APCDD1L: variants seen among roughly 807,000 people sequenced by gnomAD.
APCDD1L encodes protein APCDD1-like.
APCDD1L carries 21 observed loss-of-function variants against 24.2 expected under a neutral mutation model. The ratio of observed to expected loss-of-function variants is 0.87; its 90% CI spans 0.61 to 1.25. The LOEUF is 1.25. APCDD1L is among the 50% of genes most tolerant of loss of function. APCDD1L has a pLI of 0.00. For synonymous variants in APCDD1L, 321 were observed against 323.6 expected, an observed-to-expected ratio of 0.99 and a Z score of 0.09; for missense variants, 704 against 711.7, an observed-to-expected ratio of 0.99 and a Z score of 0.12.
At chr20:58,484,474 G>GC (rs1990083406) in intron 1 of APCDD1L, among the ~76,000 whole-genome samples, 1 of 152,148 alleles carries the variant, frequency 6.6e-6, no homozygotes, top group South Asian at 2.1e-4. Context: ...ATCTTTCTAG[G>GC]CTTTTTTTTT....
At chr20:58,507,750 A>G (rs1385689990) in intron 1 of APCDD1L, among the ~76,000 whole-genome samples, 1 of 152,230 alleles carries the variant, frequency 6.6e-6, no homozygotes, top group Non-Finnish European at 1.5e-5. Context: ...CAACACATAC[A>G]AGAGACAGCT....
chr20:58,503,207 C>A (rs143515915), intron 1 of APCDD1L, among the ~76,000 whole-genome samples: 1 of 152,134 alleles, frequency 6.6e-6, no homozygotes, highest in African/African-American at 2.4e-5. Flanking sequence ...TGATTTCCTG[C>A]GAGAGGCAGA....
chr20:58,479,015 A>G (rs898201550), intron 1 of APCDD1L, among the ~76,000 whole-genome samples: 1 of 152,080 alleles, frequency 6.6e-6, no homozygotes, highest in Non-Finnish European at 1.5e-5. Context: ...TCACCCTTGG[A>G]ACCTGCCCTA....
chr20:58,474,421 T>C (rs1052778671), intron 1 of APCDD1L, among the ~76,000 whole-genome samples: 3 of 152,154 alleles, frequency 2.0e-5, no homozygotes, highest in Admixed American at 6.5e-5. Flanking sequence ...GGTACCATCT[T>C]GGCTGGGCAC....
chr20:58,477,926 G>C (rs1989942792), intron 1 of APCDD1L, among the ~76,000 whole-genome samples: 1 of 152,132 alleles, frequency 6.6e-6, no homozygotes, highest in Non-Finnish European at 1.5e-5. Flanking sequence ...AGCTCTTTCT[G>C]AGTTGATTAA....
intron 1 of APCDD1L, among the ~76,000 whole-genome samples, chr20:58,483,781 A>G (rs1990069315): frequency 6.6e-6 from 1 of 152,006 alleles, no homozygotes; most frequent in Non-Finnish European, 1.5e-5. Context: ...TACCAATTCA[A>G]TTCATGAGCG....
chr20:58,488,345 AG>A (rs1487482932), intron 1 of APCDD1L, among the ~76,000 whole-genome samples: 2 of 152,144 alleles, frequency 1.3e-5, no homozygotes, highest in Admixed American at 6.5e-5. Flanking sequence ...CCTGAGGATA[AG>A]GGGGGACTAA....
intron 1 of APCDD1L, among the ~76,000 whole-genome samples, chr20:58,501,903 C>G (rs191613462): frequency 8.5e-5 from 13 of 152,332 alleles, no homozygotes; most frequent in Admixed American, 8.5e-4. Flanking sequence ...TCCTGACTTT[C>G]CTTCAGTTGG....
chr20:58,470,718 C>T lies in APCDD1L; in HGVS notation c.79G>A (p.Gly27Arg), dbSNP rs562721222. 2.1e-5 allele frequency: 32 copies of T among 1,542,638 alleles called. No homozygotes were observed. Among genetic ancestry groups the T allele is most frequent in the African/African-American group, 1.4e-4 (10 of 73,244 alleles). The change falls in exon 2 of 4, where the codon GGG (glycine) becomes AGG (arginine). Residue 27 changes from glycine to arginine, a missense_variant. Gly to Arg is a moderately radical substitution (Grantham distance 125). Coordinates refer to ENST00000371149, the MANE Select transcript of APCDD1L (RefSeq NM_153360.3). ...AHTAPAAGEAGGSCLRWEPHC... is the reference protein window; with the variant it reads ...AHTAPAAGEARGSCLRWEPHC... ...GGTTCCCAGCGCAGGCAGCTGCCCC[C>T]GGCCTCCCCAGCCGCCGGTGCAGTG...
intron 1 of APCDD1L, among the ~76,000 whole-genome samples, chr20:58,513,080 G>C (rs1011969272): frequency 6.6e-6 from 1 of 152,200 alleles, no homozygotes; most frequent in African/African-American, 2.4e-5. Flanking sequence ...ACAGCCATGT[G>C]CTGTGACTGA....
In APCDD1L at chr20:58,461,577, A is replaced by C; in HGVS notation, c.742-23T>G. On this transcript the variant is annotated intron_variant, in intron 3 of 3. Coordinates refer to ENST00000371149, the MANE Select transcript of APCDD1L (RefSeq NM_153360.3). This position sits in a 1 kb window ranked among gnomAD's most constrained non-coding sequence, Gnocchi z 6.0. ...GTGCTGGCAAAAGACAAACAGAAAA[A>C]CGGTGGTTGTCCCACATAGAGAAGT... 7.1e-7 allele frequency: 1 copy of C among 1,407,450 alleles called. No individual in the cohort carries two copies. Among genetic ancestry groups the C allele is most frequent in the Non-Finnish European group, 9.3e-7 (1 of 1,074,180 alleles). 87.2% of individuals were successfully genotyped at this position (1,407,450 alleles called of 1,614,324 possible). A position where few individuals can be genotyped will look rare whatever the true frequency, so the allele number is the denominator to read the frequency against.
chr20:58,497,379 T>G lies in APCDD1L; in HGVS notation c.49+17280A>C, dbSNP rs1217241543. Reference sequence around the variant, plus strand: ...CTAGGAGGCCCAGGGAACAGACGCCTTGCATCGTGTCCACAGATGGGGTGC... The same window carrying G: ...CTAGGAGGCCCAGGGAACAGACGCCGTGCATCGTGTCCACAGATGGGGTGC... On this transcript the variant is annotated intron_variant, in intron 1 of 3. Coordinates refer to ENST00000371149, the MANE Select transcript of APCDD1L (RefSeq NM_153360.3). The surrounding 1 kb of genome is among the most constrained non-coding windows in gnomAD (Gnocchi z 4.3). Among the ~76,000 whole-genome samples the G allele has an allele frequency of 6.6e-6, 1 of 152,066 alleles. No individual in the cohort carries two copies. Among genetic ancestry groups the G allele is most frequent in the Admixed American group, 6.5e-5 (1 of 15,276 alleles).
rs1990352832 is a variant in APCDD1L, at chr20:58,497,791, G to A, written c.49+16868C>T. ...CACAATTCAACCGGCAGCACTTACTGAAGATCACATGGCTGGTGGAGAAGG... is the reference window on the plus strand; with the variant it reads ...CACAATTCAACCGGCAGCACTTACTAAAGATCACATGGCTGGTGGAGAAGG... On this transcript the variant is annotated intron_variant, in intron 1 of 3. Transcript: ENST00000371149. The surrounding 1 kb of genome is among the most constrained non-coding windows in gnomAD (Gnocchi z 4.3). Among the ~76,000 whole-genome samples the A allele has an allele frequency of 6.6e-6, 1 of 152,190 alleles. No homozygotes were observed. Among genetic ancestry groups the A allele is most frequent in the African/African-American group, 2.4e-5 (1 of 41,436 alleles).
At chr20:58,483,121 A>T (rs1990054835) in intron 1 of APCDD1L, among the ~76,000 whole-genome samples, 1 of 152,088 alleles carries the variant, frequency 6.6e-6, no homozygotes, top group African/African-American at 2.4e-5. Context: ...AGATGGAGAG[A>T]GCTGTAATGG....
rs1447193645 is a variant in APCDD1L, at chr20:58,494,481, C to A, written c.49+20178G>T. Among the ~76,000 whole-genome samples, 1 of 149,992 alleles carries A rather than the reference C, an allele frequency of 6.7e-6. No individual in the cohort carries two copies. Among genetic ancestry groups the A allele is most frequent in the East Asian group, 2.0e-4 (1 of 5,052 alleles). ...CTGAGTAGCTGGGATTACAGGTGTG[C>A]ACCACTGCCACACTCAGCTAATTTT... On this transcript the variant is annotated intron_variant, in intron 1 of 3. Coordinates refer to ENST00000371149, the MANE Select transcript of APCDD1L (RefSeq NM_153360.3). The surrounding 1 kb of genome is among the most constrained non-coding windows in gnomAD (Gnocchi z 4.8).
At chr20:58,496,682 G>T (rs1225870637) in intron 1 of APCDD1L, among the ~76,000 whole-genome samples, 1 of 152,230 alleles carries the variant, frequency 6.6e-6, no homozygotes, top group African/African-American at 2.4e-5. Context: ...GGGTGCAGGG[G>T]CCAGAGCAGG....
intron 1 of APCDD1L, among the ~76,000 whole-genome samples, chr20:58,512,075 G>A (rs1038007982): frequency 1.3e-5 from 2 of 152,232 alleles, no homozygotes; most frequent in Non-Finnish European, 2.9e-5. Flanking sequence ...GGGTTTGAAG[G>A]AAGGTTCGCT....
chr20:58,469,092 T>C (rs1568736317), intron 2 of APCDD1L, among the ~76,000 whole-genome samples: 1 of 152,198 alleles, frequency 6.6e-6, no homozygotes, highest in Non-Finnish European at 1.5e-5. Context: ...TGTTTTGTTT[T>C]CATGGAATTT....
At chr20:58,512,528 C>A (rs1330562798) in intron 1 of APCDD1L, among the ~76,000 whole-genome samples, 2 of 152,072 alleles carry the variant, frequency 1.3e-5, no homozygotes, top group East Asian at 3.9e-4. Flanking sequence ...TCCTCTGGTG[C>A]CAAATGTCAA....
Sources: gnomAD v4.1 joint callset for allele counts (sites outside exome capture counted in the v4.1 genomes callset) on GRCh38, gnomAD v4.1.1 for gene constraint, Gnocchi (gnomAD v3.1) non-coding constraint, MANE v1.5 for transcripts, NCBI Gene and HGNC (gene_info 2026-07-23, HGNC 2026-07-21) for gene names.